SLC25A21: variants seen among roughly 807,000 people sequenced by gnomAD.
SLC25A21 encodes the protein solute carrier family 25 member 21, also known as mitochondrial 2-oxodicarboxylate carrier.
Under a neutral mutation model 43.8 loss-of-function variants are expected in SLC25A21, and 47 were observed. That is an observed-to-expected ratio of 1.07 (90% CI 0.85 to 1.37). The LOEUF is 1.37. SLC25A21 is among the 40% of genes most tolerant of loss of function. The pLI, the probability that SLC25A21 is intolerant of heterozygous loss-of-function variation, is 0.00. For missense variants in SLC25A21, 352 were observed against 350.2 expected, an observed-to-expected ratio of 1.00 and a Z score of -0.04; for synonymous variants, 131 against 121.3, an observed-to-expected ratio of 1.08 and a Z score of -0.52.
At chr14:36,824,907 T>C (rs1652252) in intron 2 of SLC25A21, among the ~76,000 whole-genome samples, 98,733 of 151,008 alleles carry the variant, frequency 0.65, 33,241 homozygotes, top group South Asian at 0.84. Context: ...CTGCCAGGGG[T>C]ATAGACTATG....
At chr14:36,746,789 G>A (rs1885517904) in intron 3 of SLC25A21, among the ~76,000 whole-genome samples, 1 of 151,906 alleles carries the variant, frequency 6.6e-6, no homozygotes, top group African/African-American at 2.4e-5. Flanking sequence ...AATATACTCT[G>A]TGCCAAGCAC....
At chr14:36,917,178 C>T (rs549129065) in intron 1 of SLC25A21, among the ~76,000 whole-genome samples, 4 of 152,094 alleles carry the variant, frequency 2.6e-5, no homozygotes, top group Admixed American at 1.3e-4. Context: ...CATTACATAT[C>T]GTCCTTCAGT....
chr14:37,116,673 A>G (rs1963112982), intron 1 of SLC25A21, among the ~76,000 whole-genome samples: 1 of 152,198 alleles, frequency 6.6e-6, no homozygotes, highest in African/African-American at 2.4e-5. Context: ...TCCTTCACTT[A>G]TAATAGAAAC....
Position 36,828,994 on chromosome 14 carries a change from T to G in SLC25A21, c.120-14993A>C, listed in dbSNP as rs1017408863. Among the ~76,000 whole-genome samples the G allele has an allele frequency of 5.3e-5, 8 of 152,132 alleles. No individual in the cohort carries two copies. In the East Asian group the frequency reaches 1.5e-3, roughly 29 times the overall value. ...TCACCTCACTGCAACCTCCACCTCA[T>G]GGGCTCAAACGATTCTCATGCTTCA... On this transcript the variant is annotated intron_variant, in intron 2 of 9. Transcript: ENST00000331299.
intron 1 of SLC25A21, among the ~76,000 whole-genome samples, chr14:37,110,048 A>G (rs1246462964): frequency 6.6e-6 from 1 of 152,196 alleles, no homozygotes; most frequent in Non-Finnish European, 1.5e-5. Flanking sequence ...TCCAAGAACC[A>G]GAGCTTCTGA....
chr14:36,952,499 CTTTTCTTAATT>C (rs1427762673), intron 1 of SLC25A21: 2 of 152,040 alleles, frequency 1.3e-5, no homozygotes, highest in Non-Finnish European at 2.9e-5. Flanking sequence ...AGGTAGAATT[CTTTTCTTAATT>C]TTATTACTAT....
chr14:37,089,515 C>T (rs1296322746), intron 1 of SLC25A21, among the ~76,000 whole-genome samples: 2 of 152,148 alleles, frequency 1.3e-5, no homozygotes, highest in East Asian at 1.9e-4. Context: ...CTATATGAAT[C>T]CCAACTTTCA....
intron 1 of SLC25A21, among the ~76,000 whole-genome samples, chr14:36,896,545 A>T (rs1294017330): frequency 6.6e-6 from 1 of 152,122 alleles, no homozygotes; most frequent in Admixed American, 6.6e-5. Context: ...TTTACATTTA[A>T]GGTTAATATT....
chr14:36,946,133 G>A (rs1159585867), intron 1 of SLC25A21, among the ~76,000 whole-genome samples: 1 of 152,082 alleles, frequency 6.6e-6, no homozygotes, highest in Non-Finnish European at 1.5e-5. Context: ...CAAGTAGAAT[G>A]GTGTTATCAA....
chr14:36,712,299 T>C (rs1430320514), intron 6 of SLC25A21, among the ~76,000 whole-genome samples: 1 of 151,664 alleles, frequency 6.6e-6, no homozygotes, highest in African/African-American at 2.4e-5. Flanking sequence ...GTACAAAAGA[T>C]ATCTCTCTCA....
At chr14:36,852,325 ATCTTT>A (rs1889765747) in intron 2 of SLC25A21, among the ~76,000 whole-genome samples, 1 of 152,196 alleles carries the variant, frequency 6.6e-6, no homozygotes, top group South Asian at 2.1e-4. Context: ...TGGATTCTAC[ATCTTT>A]TCTTAACTAT....
At chr14:36,822,038 A>T (rs1888655447) in intron 2 of SLC25A21, among the ~76,000 whole-genome samples, 1 of 152,190 alleles carries the variant, frequency 6.6e-6, no homozygotes, top group Admixed American at 6.5e-5. Context: ...CCCAAAGATG[A>T]ATAACACCCA....
intron 2 of SLC25A21, among the ~76,000 whole-genome samples, chr14:36,845,559 C>T (rs998252743): frequency 6.6e-6 from 1 of 152,182 alleles, no homozygotes; most frequent in African/African-American, 2.4e-5. Flanking sequence ...GCATGAGGCA[C>T]TGGGATTTTC....
At chr14:37,149,463 G>A (rs775485938) in intron 1 of SLC25A21, among the ~76,000 whole-genome samples, 4 of 151,924 alleles carry the variant, frequency 2.6e-5, no homozygotes, top group Admixed American at 6.6e-5. Context: ...AAAAAAATCC[G>A]CTAGGGCCGG....
At chr14:37,095,543 A>T (rs999817013) in intron 1 of SLC25A21, among the ~76,000 whole-genome samples, 1 of 152,030 alleles carries the variant, frequency 6.6e-6, no homozygotes, top group East Asian at 1.9e-4. Context: ...AAATAAATAA[A>T]TAACTACACT....
intron 2 of SLC25A21, among the ~76,000 whole-genome samples, chr14:36,844,970 G>A (rs887471818): frequency 1.3e-5 from 2 of 152,206 alleles, no homozygotes; most frequent in Non-Finnish European, 2.9e-5. Flanking sequence ...CAAAATCCAA[G>A]GGGAAGTTTT....
At chr14:36,955,416 T>A (rs1379979322) in intron 1 of SLC25A21, among the ~76,000 whole-genome samples, 3 of 152,186 alleles carry the variant, frequency 2.0e-5, no homozygotes, top group Non-Finnish European at 2.9e-5. Context: ...TACCAAAAGT[T>A]TTCCTATTTT....
intron 5 of SLC25A21, among the ~76,000 whole-genome samples, chr14:36,728,606 C>G (rs888085293): frequency 3.3e-5 from 5 of 152,148 alleles, no homozygotes; most frequent in African/African-American, 9.7e-5. Context: ...AAAAGTGATG[C>G]TATTAGGTTT....
At chr14:37,060,707 G>T (rs1324401628) in intron 1 of SLC25A21, among the ~76,000 whole-genome samples, 2 of 151,948 alleles carry the variant, frequency 1.3e-5, no homozygotes, top group African/African-American at 4.8e-5. Flanking sequence ...TGCAACCTCG[G>T]AAGACAGGCT....
Sources: gnomAD v4.1 joint callset for allele counts (sites outside exome capture counted in the v4.1 genomes callset) on GRCh38, gnomAD v4.1.1 for gene constraint, MANE v1.5 for transcripts, NCBI Gene and HGNC (gene_info 2026-07-23, HGNC 2026-07-21) for gene names.